MYO16: variants seen among roughly 807,000 people sequenced by gnomAD.
MYO16 encodes the protein unconventional myosin-XVI.
In MYO16, 94 loss-of-function variants were observed where a neutral mutation model predicts 205.3. That is an observed-to-expected ratio of 0.46 (90% confidence interval 0.39 to 0.54). The LOEUF is 0.54. Ranked by LOEUF, MYO16 falls within the 20% of genes least tolerant of loss-of-function variation. MYO16 has a pLI of 0.00. For missense variants in MYO16, 2,315 were observed against 2,387.5 expected (o/e 0.97, Z 0.63); for synonymous variants, 988 against 954.0 (o/e 1.04, Z -0.66).
chr13:109,081,762 G>A (rs1012009586), intron 27 of MYO16, among the ~76,000 whole-genome samples: 1 of 152,148 alleles, frequency 6.6e-6, no homozygotes, highest in Non-Finnish European at 1.5e-5. Flanking sequence ...GAAAAGACGA[G>A]AAAATGAGAG....
intron 16 of MYO16, among the ~76,000 whole-genome samples, chr13:108,931,602 AT>A (rs750756323): frequency 6.6e-6 from 1 of 152,150 alleles, no homozygotes; most frequent in Non-Finnish European, 1.5e-5. Flanking sequence ...CATTCCTGGT[AT>A]CCCCAATAAA....
At chr13:109,033,860 A>G (rs573523928) in intron 23 of MYO16, among the ~76,000 whole-genome samples, 1 of 152,286 alleles carries the variant, frequency 6.6e-6, no homozygotes, top group South Asian at 2.1e-4. Context: ...GCTGCAAGAC[A>G]AAAATGGAAT....
chr13:108,962,465 G>A lies in MYO16; in HGVS notation c.2197G>A (p.Ala733Thr), dbSNP rs946738735. 1.3e-6 allele frequency: 2 copies of A among 1,596,128 alleles called. No individual in the cohort carries two copies. Among genetic ancestry groups the A allele is most frequent in the African/African-American group, 1.4e-5 (1 of 73,782 alleles). Residue 733 changes from alanine to threonine, a missense_variant, in exon 19 of 35, where the codon GCC becomes ACC. Ala to Thr is a moderately conservative substitution (Grantham distance 58). This residue lies in a region of MYO16 where 1,213 missense variants were observed against 1,274.4 expected (regional missense o/e 0.95). Coordinates refer to ENST00000457511, the MANE Select transcript of MYO16 (RefSeq NM_001198950.3). Reference protein sequence around the residue: ...LQVSTDELASALTTDIQYFKG... With the variant: ...LQVSTDELASTLTTDIQYFKG... ...AGTATCAACAGATGAATTGGCATCT[G>A]CCTTAACAACTGATATTCAATATTT...
chr13:108,534,891 TTTCTTCTTCTCC>T, the MYO16 span, among the ~76,000 whole-genome samples: 8 of 149,754 alleles, frequency 5.3e-5, no homozygotes, highest in African/African-American at 9.8e-5. Context: ...TCTTCTCCTC[TTTCTTCTTCTCC>T]TTCTTCTTCT....
At chr13:108,525,277 T>C in the MYO16 span, among the ~76,000 whole-genome samples, 1 of 152,196 alleles carries the variant, frequency 6.6e-6, no homozygotes, top group African/African-American at 2.4e-5. Context: ...TAGGATGCAA[T>C]AAAATCCATA....
At chr13:108,823,555 C>A (rs879778272) in intron 9 of MYO16, among the ~76,000 whole-genome samples, 1 of 152,116 alleles carries the variant, frequency 6.6e-6, no homozygotes, top group Non-Finnish European at 1.5e-5. Flanking sequence ...AAGATTTTAG[C>A]TAAACTGATA....
the MYO16 span, among the ~76,000 whole-genome samples, chr13:108,585,992 T>G: frequency 6.6e-6 from 1 of 152,228 alleles, no homozygotes. Flanking sequence ...CTAAGATGGA[T>G]GAATTACTAG....
At chr13:108,998,439 C>A (rs1024449481) in intron 21 of MYO16, among the ~76,000 whole-genome samples, 1 of 152,128 alleles carries the variant, frequency 6.6e-6, no homozygotes, top group Non-Finnish European at 1.5e-5. Flanking sequence ...GTTAAAAGGG[C>A]AAATTCCTTT....
intron 16 of MYO16, among the ~76,000 whole-genome samples, chr13:108,910,373 G>A (rs1881199059): frequency 2.9e-4 from 1 of 3,464 alleles, no homozygotes; most frequent in African/African-American, 4.2e-4. Context: ...CTAGTTTTCA[G>A]ATCAGAAAAA....
At chr13:108,872,857 G>C (rs1287189631) in intron 12 of MYO16, among the ~76,000 whole-genome samples, 1 of 152,068 alleles carries the variant, frequency 6.6e-6, no homozygotes, top group African/African-American at 2.4e-5. Context: ...GCTTTTTATA[G>C]GTCATGAGAA....
intron 32 of MYO16, among the ~76,000 whole-genome samples, chr13:109,161,379 T>A (rs948206742): frequency 6.6e-6 from 1 of 152,340 alleles, no homozygotes; most frequent in East Asian, 1.9e-4. Flanking sequence ...CTGAGCCCTC[T>A]GGGCCTCAGT....
At chr13:108,904,720 C>T (rs1384005991) in intron 15 of MYO16, among the ~76,000 whole-genome samples, 4 of 152,132 alleles carry the variant, frequency 2.6e-5, no homozygotes, top group African/African-American at 9.7e-5. Flanking sequence ...AGTTCCTGCC[C>T]TTGTCTTTCC....
At chr13:109,084,369 G>A (rs1888374362) in intron 27 of MYO16, among the ~76,000 whole-genome samples, 1 of 151,268 alleles carries the variant, frequency 6.6e-6, no homozygotes, top group Admixed American at 6.6e-5. Flanking sequence ...ACTTGATGAT[G>A]ACTTTGACCT....
At chr13:108,747,887 G>A (rs972241233) in intron 4 of MYO16, among the ~76,000 whole-genome samples, 4 of 152,020 alleles carry the variant, frequency 2.6e-5, no homozygotes, top group Non-Finnish European at 5.9e-5. Context: ...TTAATTTTAG[G>A]AGAAATAGTC....
chr13:108,587,039 G>C, the MYO16 span, among the ~76,000 whole-genome samples: 194 of 152,292 alleles, frequency 1.3e-3, 5 homozygotes, highest in East Asian at 0.035. Context: ...AAGGACAAAG[G>C]CTTTATTGGG....
At chr13:108,818,272 T>A (rs1177989080) in intron 7 of MYO16, among the ~76,000 whole-genome samples, 2 of 151,738 alleles carry the variant, frequency 1.3e-5, no homozygotes, top group African/African-American at 2.4e-5. Context: ...CAATCCCAGC[T>A]ACTCTGGAGG....
At chr13:108,810,720 C>T (rs1887264890) in intron 7 of MYO16, among the ~76,000 whole-genome samples, 1 of 151,998 alleles carries the variant, frequency 6.6e-6, no homozygotes, top group African/African-American at 2.4e-5. Context: ...GGGGAAAAAG[C>T]GTTAGAAATG....
intron 15 of MYO16, among the ~76,000 whole-genome samples, chr13:108,905,769 A>ACTTTT (rs56159353): frequency 0.54 from 81,806 of 151,742 alleles, 22,816 homozygotes; most frequent in East Asian, 0.71. Context: ...TCAGGAGCTT[A>ACTTTT]CTTTTCTTAA....
chr13:109,154,911 G>GAAAAAAAAAAAA lies in MYO16; in HGVS notation c.5165-9975_5165-9964dup, dbSNP rs59465499. 5.1e-4 allele frequency among the ~76,000 whole-genome samples: 32 copies of GAAAAAAAAAAAA among 62,684 alleles called. 1 individual carries two copies. Among genetic ancestry groups the GAAAAAAAAAAAA allele is most frequent in the African/African-American group, 1.4e-3 (22 of 16,258 alleles). The allele number at this position is 62,684 out of a possible 152,430, so 41.1% of individuals were successfully genotyped here. A position where few individuals can be genotyped will look rare whatever the true frequency, so the allele number is the denominator to read the frequency against. ...AGGTATTGCATACTCGGCTAATTAT[G>GAAAAAAAAAAAA]AAAAAAAAAAAAAAAAAAAAAAAAA... On this transcript the variant is annotated intron_variant, in intron 32 of 34. Transcript: ENST00000457511.
Sources: gnomAD v4.1 joint callset for allele counts (sites outside exome capture counted in the v4.1 genomes callset) on GRCh38, gnomAD v4.1.1 for gene constraint, gnomAD v4.1.1 regional missense constraint, MANE v1.5 for transcripts, NCBI Gene and HGNC (gene_info 2026-07-23, HGNC 2026-07-21) for gene names.